The following RGPD2 variants were observed in gnomAD, a reference collection of about 807,000 sequenced individuals.
RGPD2 encodes RANBP2 like and GRIP domain containing 2, also known as RANBP2-like and GRIP domain-containing protein 2.
RGPD2 carries 2 observed loss-of-function variants against 36.0 expected under a neutral mutation model. The ratio of observed to expected loss-of-function variants is 0.06; its 90% CI spans 0.02 to 0.17. The LOEUF (loss-of-function observed/expected upper bound fraction) is 0.17. Ranked by LOEUF, RGPD2 falls within the 10% of genes least tolerant of loss-of-function variation. RGPD2 has a pLI of 1.00. For missense variants in RGPD2, 40 were observed against 464.3 expected, an observed-to-expected ratio of 0.09 and a Z score of 8.40; for synonymous variants, 19 against 163.8, an observed-to-expected ratio of 0.12 and a Z score of 6.75.
At chr2:87,964,942 A>G in the RGPD2 span, among the ~76,000 whole-genome samples, 2 of 151,748 alleles carry the variant, frequency 1.3e-5, no homozygotes, top group Non-Finnish European at 2.9e-5. Flanking sequence ...TAGCATATGT[A>G]TAGTTCTCTT....
chr2:87,839,604 A>G, the RGPD2 span, among the ~76,000 whole-genome samples: 2 of 152,078 alleles, frequency 1.3e-5, no homozygotes. Context: ...ATAAAGAAGA[A>G]AATTGTGTCT....
At chr2:87,880,319 A>T in the RGPD2 span, among the ~76,000 whole-genome samples, 1 of 150,708 alleles carries the variant, frequency 6.6e-6, no homozygotes, top group Non-Finnish European at 1.5e-5. Flanking sequence ...AGGTTGATTC[A>T]GTGTCTTTTG....
the RGPD2 span, among the ~76,000 whole-genome samples, chr2:87,964,249 T>G: frequency 6.6e-6 from 1 of 152,416 alleles, no homozygotes; most frequent in Admixed American, 6.5e-5. Flanking sequence ...ACACTACTTT[T>G]TTTTTGTTCA....
the RGPD2 span, among the ~76,000 whole-genome samples, chr2:87,877,102 A>C: frequency 6.6e-6 from 1 of 152,152 alleles, no homozygotes; most frequent in Non-Finnish European, 1.5e-5. Flanking sequence ...GTGTCACTGC[A>C]TGTGAGATGG....
chr2:87,907,467 T>TATTC, the RGPD2 span, among the ~76,000 whole-genome samples: 1 of 320 alleles, frequency 3.1e-3, no homozygotes, highest in Non-Finnish European at 5.1e-3. Flanking sequence ...AAAAAAAGAA[T>TATTC]TGTGGGTATG....
At chr2:87,923,447 A>C in the RGPD2 span, among the ~76,000 whole-genome samples, 1 of 152,236 alleles carries the variant, frequency 6.6e-6, no homozygotes, top group African/African-American at 2.4e-5. Context: ...TCATATTTTT[A>C]TACTGTGATA....
chr2:87,885,403 G>A, the RGPD2 span, among the ~76,000 whole-genome samples: 1 of 151,898 alleles, frequency 6.6e-6, no homozygotes, highest in Non-Finnish European at 1.5e-5. Context: ...ATCGTACTCA[G>A]GAATTAAAAT....
At chr2:87,913,849 A>G in the RGPD2 span, among the ~76,000 whole-genome samples, 1 of 152,126 alleles carries the variant, frequency 6.6e-6, no homozygotes, top group Non-Finnish European at 1.5e-5. Context: ...CAAATCAAAT[A>G]CTTTAGAGTT....
the RGPD2 span, among the ~76,000 whole-genome samples, chr2:87,974,134 T>C: frequency 6.9e-6 from 1 of 145,068 alleles, no homozygotes; most frequent in Non-Finnish European, 1.5e-5. Flanking sequence ...TTCTTTTTGT[T>C]AGCCAATCTG....
chr2:87,955,209 T>C, the RGPD2 span, among the ~76,000 whole-genome samples: 4 of 140,918 alleles, frequency 2.8e-5, no homozygotes, highest in Admixed American at 7.4e-5. Flanking sequence ...AGAGACAGGG[T>C]TTCACCATGT....
rs1276277339 is a variant in RGPD2 at position 87,791,864 on chromosome 2, T to C, written c.2463+126A>G. 1.2e-5 allele frequency: 2 copies of C among 170,168 alleles called. 1 individual carries two copies. Among genetic ancestry groups the C allele is most frequent in the Non-Finnish European group, 1.5e-5 (2 of 129,170 alleles). 10.5% of individuals were successfully genotyped at this position (170,168 alleles called of 1,614,324 possible). ...AAAAAAAAAAAAAAAAAGACCAAAA[T>C]GTCCCCTTGCCATACTATTTGGATG... On this transcript the variant is annotated intron_variant, in intron 17 of 22. Coordinates refer to ENST00000398146, the MANE Select transcript of RGPD2 (RefSeq NM_001078170.3).
At chr2:87,983,819 AG>A in the RGPD2 span, among the ~76,000 whole-genome samples, 3 of 151,932 alleles carry the variant, frequency 2.0e-5, no homozygotes, top group African/African-American at 7.2e-5. Context: ...ACTCAGAGGC[AG>A]AAACATGCTG....
At chr2:87,882,431 A>G in the RGPD2 span, among the ~76,000 whole-genome samples, 1 of 151,988 alleles carries the variant, frequency 6.6e-6, no homozygotes, top group Admixed American at 6.6e-5. Context: ...TTATTTTTGG[A>G]CTCTCTTCTA....
At chr2:87,988,547 T>A in the RGPD2 span, among the ~76,000 whole-genome samples, 35 of 33,018 alleles carry the variant, frequency 1.1e-3, no homozygotes, top group East Asian at 0.026. Flanking sequence ...ATATATTTTT[T>A]TTTTTTCTTT....
the RGPD2 span, among the ~76,000 whole-genome samples, chr2:87,866,984 T>C: frequency 6.6e-6 from 1 of 152,234 alleles, no homozygotes; most frequent in East Asian, 1.9e-4. Context: ...TCGATTTTTT[T>C]TCTTTTTCCT....
chr2:87,769,004 G>T (rs1415183925), intron 22 of RGPD2, among the ~76,000 whole-genome samples: 3 of 9,072 alleles, frequency 3.3e-4, no homozygotes, highest in Admixed American at 2.0e-3. Flanking sequence ...TTTTGCTCTT[G>T]TTGCTCGGGC....
At chr2:87,897,034 T>C in the RGPD2 span, among the ~76,000 whole-genome samples, 4 of 152,422 alleles carry the variant, frequency 2.6e-5, no homozygotes, top group African/African-American at 9.6e-5. Context: ...TTATTTAGTC[T>C]TCCGCATGAA....
chr2:87,843,963 C>CA, the RGPD2 span, among the ~76,000 whole-genome samples: 2 of 151,926 alleles, frequency 1.3e-5, no homozygotes, highest in Non-Finnish European at 2.9e-5. Flanking sequence ...GTTGCAAGAA[C>CA]AAAAAACCAA....
the RGPD2 span, among the ~76,000 whole-genome samples, chr2:87,872,985 C>T: frequency 5.3e-5 from 8 of 152,380 alleles, no homozygotes; most frequent in African/African-American, 1.9e-4. Flanking sequence ...GTCTTGAACT[C>T]CTGACCTCAT....
Sources: gnomAD v4.1 joint callset for allele counts (sites outside exome capture counted in the v4.1 genomes callset) on GRCh38, gnomAD v4.1.1 for gene constraint, MANE v1.5 for transcripts, NCBI Gene and HGNC (gene_info 2026-07-23, HGNC 2026-07-21) for gene names.